Variants in DIP2B observed in about 807,000 individuals in gnomAD.
The protein encoded by DIP2B is disco-interacting protein 2 homolog B.
In DIP2B, 76 loss-of-function variants were observed where a neutral mutation model predicts 198.0. The observed-to-expected ratio is 0.38, with a 90% CI of 0.32 to 0.46. The LOEUF is 0.46. Among genes scored for constraint, DIP2B ranks in the 20% least tolerant of loss-of-function variants. DIP2B has a pLI of 0.99. For synonymous variants in DIP2B, 701 were observed against 739.1 expected, an observed-to-expected ratio of 0.95 and a Z score of 0.84; for missense variants, 1,559 against 1,978.4, an observed-to-expected ratio of 0.79 and a Z score of 4.02.
chr12:50,555,197 G>A (rs1457407909), intron 1 of DIP2B, among the ~76,000 whole-genome samples: 1 of 152,170 alleles, frequency 6.6e-6, no homozygotes, highest in East Asian at 1.9e-4. Flanking sequence ...GTAGGGTGAG[G>A]AAAAGACATT....
chr12:50,601,971 C>A (rs1444697507), intron 1 of DIP2B, among the ~76,000 whole-genome samples: 4 of 152,228 alleles, frequency 2.6e-5, no homozygotes, highest in African/African-American at 4.8e-5. Context: ...TCAACATTCT[C>A]ATTTTGTGAT....
At chr12:50,598,322 T>G (rs1261761102) in intron 1 of DIP2B, among the ~76,000 whole-genome samples, 1 of 152,066 alleles carries the variant, frequency 6.6e-6, no homozygotes, top group Non-Finnish European at 1.5e-5. Flanking sequence ...AAAAGTTAAG[T>G]AGTTTTAATT....
chr12:50,685,946 A>G lies in DIP2B; in HGVS notation c.1431A>G (p.Val477=), dbSNP rs753992446. ...CAAAAACCCAGAATGGAGAAATTGT[A>G]CAGTTTAAAGGTTAGTAACATTGTA... The part of the protein sequence containing the change: ...GLPKTQNGEI[V]QFKGWPRLKW... The change falls in exon 11 of 38, where the codon GTA becomes GTG. Residue 477 remains valine (V), a synonymous_variant. Coordinates refer to ENST00000301180, the MANE Select transcript of DIP2B (RefSeq NM_173602.3). 1.1e-5 allele frequency: 18 copies of G among 1,613,686 alleles called. No homozygotes were observed. In the African/African-American group the frequency reaches 2.1e-4, roughly 19 times the overall value.
chr12:50,588,893 A>G (rs898884555), intron 1 of DIP2B, among the ~76,000 whole-genome samples: 1 of 152,146 alleles, frequency 6.6e-6, no homozygotes, highest in African/African-American at 2.4e-5. Context: ...ATTAAATTAA[A>G]ATTTGTTTGT....
At chr12:50,611,933 T>C (rs1487857891) in intron 1 of DIP2B, among the ~76,000 whole-genome samples, 1 of 151,834 alleles carries the variant, frequency 6.6e-6, no homozygotes, top group Admixed American at 6.6e-5. Context: ...GCGTGGTGGC[T>C]CTTGCCTATA....
At chr12:50,690,884 G>T (rs1255592108) in intron 12 of DIP2B, among the ~76,000 whole-genome samples, 165 bp from the exon 13 acceptor site, 1 of 152,110 alleles carries the variant, frequency 6.6e-6, no homozygotes, top group East Asian at 1.9e-4. Flanking sequence ...ATCTTTGTGT[G>T]ATTTGAGTTT....
At chr12:50,654,752 G>C (rs957621599) in intron 3 of DIP2B, among the ~76,000 whole-genome samples, 2 of 152,078 alleles carry the variant, frequency 1.3e-5, no homozygotes, top group African/African-American at 4.8e-5. Context: ...ACATAAAATG[G>C]CCCTTAAGTC....
intron 7 of DIP2B, 112 bp downstream of exon 7, chr12:50,675,560 C>T (rs951708679): frequency 1.6e-5 from 17 of 1,034,994 alleles, no homozygotes; most frequent in Non-Finnish European, 2.0e-5. Flanking sequence ...GTTCTTGGTT[C>T]AAAGAGTTCA....
intron 22 of DIP2B, among the ~76,000 whole-genome samples, chr12:50,710,943 T>G (rs926656424): frequency 1.3e-5 from 2 of 152,196 alleles, no homozygotes; most frequent in Non-Finnish European, 2.9e-5. Context: ...CCAATCATAT[T>G]TTCAGTCAGA....
At position 50,698,333 on chromosome 12, in the gene DIP2B, G is replaced by C. The variant is rs760035065; in HGVS notation, c.2054G>C (p.Gly685Ala). The C allele has an allele frequency of 9.9e-6, 16 of 1,612,060 alleles. No homozygotes were observed. The highest frequency in any genetic ancestry group is 1.4e-5 in the Non-Finnish European group (16 of 1,179,108). The part of the protein sequence containing the change: ...EAMTVAIRRP[G>A]VPGAPLPGRA... The stretch of plus-strand genomic sequence containing the variant: ...TGATGGGTTCTTCTTTTCAGGCCTG[G>C]AGTTCCAGGAGCCCCTTTGCCAGGA... Residue 685 changes from glycine (G) to alanine (A), a missense_variant, in exon 18 of 38, where the codon GGA becomes GCA. Transcript: ENST00000301180.
Position 50,704,146 on chromosome 12 carries a change from C to T in DIP2B, c.2332C>T (p.Pro778Ser). ...GVTKNTFEVIPVNSAGSPVGD... is the reference protein window; with the variant it reads ...GVTKNTFEVISVNSAGSPVGD... ...ACTTCATTTTGTCTCTTAGGTAATT[C>T]CAGTGAATTCTGCAGGCTCTCCTGT... The change falls in exon 20 of 38, where the codon CCA becomes TCA. Residue 778 changes from proline to serine, a missense_variant. By Grantham distance (74) the Pro-to-Ser change is moderately conservative. Coordinates refer to ENST00000301180, the MANE Select transcript of DIP2B (RefSeq NM_173602.3). The T allele has an allele frequency of 6.2e-7, 1 of 1,606,764 alleles. No homozygotes were observed. Among genetic ancestry groups the T allele is most frequent in the African/African-American group, 1.3e-5 (1 of 74,752 alleles).
intron 1 of DIP2B, among the ~76,000 whole-genome samples, chr12:50,513,903 T>C (rs1249643209): frequency 6.6e-6 from 1 of 151,870 alleles, no homozygotes; most frequent in East Asian, 1.9e-4. Flanking sequence ...TTCTTGATCT[T>C]CTTTTCCCTA....
At chr12:50,614,685 G>A (rs1405811254) in intron 1 of DIP2B, among the ~76,000 whole-genome samples, 1 of 152,186 alleles carries the variant, frequency 6.6e-6, no homozygotes, top group African/African-American at 2.4e-5. Flanking sequence ...TAAATAGTTT[G>A]TAACAAAATG....
intron 3 of DIP2B, among the ~76,000 whole-genome samples, chr12:50,641,618 T>G (rs1156688621): frequency 1.3e-5 from 2 of 152,172 alleles, no homozygotes; most frequent in African/African-American, 4.8e-5. Context: ...AAATTAGTTA[T>G]TTCTTCTAAC....
chr12:50,739,006 A>G (rs1478689882), intron 35 of DIP2B, among the ~76,000 whole-genome samples: 1 of 152,218 alleles, frequency 6.6e-6, no homozygotes, highest in Non-Finnish European at 1.5e-5. Flanking sequence ...TCCCGGAAGC[A>G]CAGAAACGAT....
intron 2 of DIP2B, among the ~76,000 whole-genome samples, chr12:50,628,444 C>G (rs1008140282): frequency 2.0e-5 from 3 of 152,118 alleles, no homozygotes; most frequent in African/African-American, 7.2e-5. Context: ...CTGCTTTTTA[C>G]TAAAAAGTAT....
At chr12:50,586,732 C>T (rs1392814614) in intron 1 of DIP2B, among the ~76,000 whole-genome samples, 2 of 152,048 alleles carry the variant, frequency 1.3e-5, no homozygotes, top group Non-Finnish European at 2.9e-5. Context: ...GCCACCACGC[C>T]CAGCTAATTT....
At chr12:50,596,382 G>A (rs966313840) in intron 1 of DIP2B, among the ~76,000 whole-genome samples, 19 of 152,174 alleles carry the variant, frequency 1.2e-4, no homozygotes, top group Admixed American at 7.9e-4. Flanking sequence ...GAGGCAGGTC[G>A]TTAATATCCA....
chr12:50,507,346 C>T (rs1957976787), intron 1 of DIP2B, among the ~76,000 whole-genome samples: 1 of 152,116 alleles, frequency 6.6e-6, no homozygotes, highest in Non-Finnish European at 1.5e-5. Context: ...GCTTAAAGTA[C>T]AGGGGATGGT....
Sources: allele counts gnomAD v4.1 joint callset (sites outside exome capture counted in the v4.1 genomes callset), GRCh38; gene constraint gnomAD v4.1.1; transcripts MANE v1.5; gene names NCBI Gene and HGNC (gene_info 2026-07-23, HGNC 2026-07-21).